PLPPR2: variants seen among roughly 807,000 people sequenced by gnomAD.
PLPPR2 encodes the protein phospholipid phosphatase-related protein type 2.
A neutral mutation model predicts 40.3 loss-of-function variants in PLPPR2; 11 were observed. The ratio of observed to expected loss-of-function variants is 0.27; its 90% CI spans 0.17 to 0.45. The LOEUF (loss-of-function observed/expected upper bound fraction) is 0.45. Among genes scored for constraint, PLPPR2 ranks in the 20% least tolerant of loss-of-function variants. PLPPR2 has a pLI of 1.00. For missense variants in PLPPR2, 497 were observed against 640.7 expected, an observed-to-expected ratio of 0.78 and a Z score of 2.42; for synonymous variants, 260 against 290.8, an observed-to-expected ratio of 0.89 and a Z score of 1.08.
rs552598641 is a variant in PLPPR2, at chr19:11,357,574, T to G, written c.-14-86T>G. The G allele has an allele frequency of 2.1e-3, 2,009 of 954,006 alleles. 8 individuals are homozygous for G. The highest frequency in any genetic ancestry group is 7.0e-3 in the Middle Eastern group (26 of 3,690). The allele number at this position is 954,006 out of a possible 1,614,324, so 59.1% of individuals were successfully genotyped here. A position where few individuals can be genotyped will look rare whatever the true frequency, so the allele number is the denominator to read the frequency against. On this transcript the variant is annotated intron_variant, in intron 2 of 9. Coordinates refer to ENST00000688289, the MANE Select transcript of PLPPR2 (RefSeq NM_001393892.1). ...AGGGCCAGGGGTGTGGCCAAAGGAC[T>G]CAGGGGATGAAGCCAGGGTCCCGGT... is the stretch of plus-strand genomic sequence containing the variant.
chr19:11,364,187 G>C lies in PLPPR2; in HGVS notation c.990G>C (p.Ser330=). ...AACCCGAGGTCTGCAGGCCGCATTC[G>C]ACACCGGCACGGCTCACCCCATCCA... The part of the protein sequence containing the change: ...AQEPEVCRPH[S]TPARLTPSKS... The change falls in exon 9 of 10, where the codon TCG becomes TCC. Residue 330 remains serine (S), a synonymous_variant. Transcript: ENST00000688289. The surrounding 1 kb of genome is among the most constrained non-coding windows in gnomAD (Gnocchi z 5.8). The C allele has an allele frequency of 6.2e-7, 1 of 1,612,234 alleles. No homozygotes were observed. Among genetic ancestry groups the C allele is most frequent in the Non-Finnish European group, 8.5e-7 (1 of 1,178,894 alleles).
Position 11,361,683 on chromosome 19 carries a change from A to G in PLPPR2, c.663+195A>G, listed in dbSNP as rs1170116748. On this transcript the variant is annotated intron_variant, in intron 6 of 9. Coordinates refer to ENST00000688289, the MANE Select transcript of PLPPR2 (RefSeq NM_001393892.1). This position sits in a 1 kb window ranked among gnomAD's most constrained non-coding sequence, Gnocchi z 6.3. ...CTAGCCACGCCCCCAGTCAGAGGCT[A>G]TCGCTGTCCATTGACTCCGCCCCTT... Among the ~76,000 whole-genome samples the G allele has an allele frequency of 6.6e-6, 1 of 151,890 alleles. No homozygotes were observed. Among genetic ancestry groups the G allele is most frequent in the Non-Finnish European group, 1.5e-5 (1 of 67,922 alleles).
chr19:11,361,419 G>A lies in PLPPR2; in HGVS notation c.594G>A (p.Val198=). The stretch of plus-strand genomic sequence containing the variant: ...CCTGCGCTGGCAGTCCCAGCCTCGT[G>A]GCCGCCGCGCGCCGCGCCTTCCCCT... ...QGACAGSPSL[V]AAARRAFPCK... is the part of the protein sequence containing the mutation. The change falls in exon 6 of 10, where the codon GTG becomes GTA. Residue 198 remains valine, a synonymous_variant. Transcript: ENST00000688289. This position sits in a 1 kb window ranked among gnomAD's most constrained non-coding sequence, Gnocchi z 6.3. The A allele has an allele frequency of 6.2e-7, 1 of 1,607,540 alleles. No individual in the cohort carries two copies. Among genetic ancestry groups the A allele is most frequent in the South Asian group, 1.1e-5 (1 of 91,006 alleles).
Position 11,364,077 on chromosome 19 carries a change from C to T in PLPPR2, c.964-84C>T. On this transcript the variant is annotated intron_variant, in intron 8 of 9. Coordinates refer to ENST00000688289, the MANE Select transcript of PLPPR2 (RefSeq NM_001393892.1). This position sits in a 1 kb window ranked among gnomAD's most constrained non-coding sequence, Gnocchi z 5.8. ...AACTGTGGTTGTCTTTTCCATGGGG[C>T]TCTTCACCTGATGAGCTCCTTGTGG... 1 of 1,503,946 alleles carries T rather than the reference C, an allele frequency of 6.6e-7. No individual in the cohort carries two copies. Among genetic ancestry groups the T allele is most frequent in the Non-Finnish European group, 9.0e-7 (1 of 1,112,002 alleles). 93.2% of individuals were successfully genotyped at this position (1,503,946 alleles called of 1,614,324 possible).
chr19:11,357,750 C>T lies in PLPPR2; in HGVS notation c.66+11C>T, dbSNP rs141375639. On this transcript the variant is annotated intron_variant, in intron 3 of 9. Transcript: ENST00000688289. ...TTTGTCTTCGTGGAGGTGAGGACCC[C>T]CGTACCTCTCCCAGAGACGGCGTGC... 4.9e-4 allele frequency: 774 copies of T among 1,593,982 alleles called. 4 individuals carry two copies. In the African/African-American group the frequency reaches 9.0e-3, roughly 19 times the overall value.
At chr19:11,358,222 T>C (rs147272555) in intron 3 of PLPPR2, among the ~76,000 whole-genome samples, 144 of 152,206 alleles carry the variant, frequency 9.5e-4, no homozygotes, top group African/African-American at 3.5e-3. Flanking sequence ...GCCCAGCTAA[T>C]TTTTGTACTT....
In PLPPR2 at chr19:11,363,091, C is replaced by T. The variant is rs888469277; in HGVS notation, c.840+402C>T. Among the ~76,000 whole-genome samples the T allele has an allele frequency of 1.6e-4, 25 of 152,026 alleles. No homozygotes were observed. The highest frequency in any genetic ancestry group is 6.6e-5 in the Admixed American group (1 of 15,252). ...GGCGGATCACTTGAGGCCAAGAGTTCGAGACCAGCCTGGTCAACATGGCCA... is the reference window on the plus strand; with the variant it reads ...GGCGGATCACTTGAGGCCAAGAGTTTGAGACCAGCCTGGTCAACATGGCCA... On this transcript the variant is annotated intron_variant, in intron 7 of 9. Coordinates refer to ENST00000688289, the MANE Select transcript of PLPPR2 (RefSeq NM_001393892.1). This position sits in a 1 kb window ranked among gnomAD's most constrained non-coding sequence, Gnocchi z 4.8.
In PLPPR2 at chr19:11,364,199, G is replaced by A; in HGVS notation, c.1002G>A (p.Arg334=). 1 of 1,612,152 alleles carries A rather than the reference G, an allele frequency of 6.2e-7. No homozygotes were observed. Among genetic ancestry groups the A allele is most frequent in the African/African-American group, 1.3e-5 (1 of 74,970 alleles). Reference sequence around the variant, plus strand: ...GCAGGCCGCATTCGACACCGGCACGGCTCACCCCATCCAGTGAGTGTTGGG... The same window carrying A: ...GCAGGCCGCATTCGACACCGGCACGACTCACCCCATCCAGTGAGTGTTGGG... ...EVCRPHSTPA[R]LTPSKSQNCA... Residue 334 remains arginine, a synonymous_variant, in exon 9 of 10, where the codon CGG becomes CGA. Transcript: ENST00000688289. The surrounding 1 kb of genome is among the most constrained non-coding windows in gnomAD (Gnocchi z 5.8).
chr19:11,357,507 CA>C (rs538303016), intron 2 of PLPPR2, 152 bp from the exon 3 acceptor site: 27 of 514,200 alleles, frequency 5.3e-5, no homozygotes, highest in African/African-American at 4.5e-4. Context: ...GAGGCATGGC[CA>C]GAAGGTTCAA....
rs1968084581 is a variant in PLPPR2 at position 11,362,699 on chromosome 19, C to T, written c.840+10C>T. The T allele has an allele frequency of 1.2e-6, 2 of 1,607,980 alleles. No homozygotes were observed. The highest frequency in any genetic ancestry group is 8.5e-7 in the Non-Finnish European group (1 of 1,176,218). On this transcript the variant is annotated intron_variant, in intron 7 of 9. Coordinates refer to ENST00000688289, the MANE Select transcript of PLPPR2 (RefSeq NM_001393892.1). This position sits in a 1 kb window ranked among gnomAD's most constrained non-coding sequence, Gnocchi z 5.3. ...CATCGCCACCTTTTTGGTGAGTTGC[C>T]TCCTCAACCTTCCCAGCATGGAAGA...
At position 11,364,585 on chromosome 19, in the gene PLPPR2, G is replaced by A. The variant is rs779956522; in HGVS notation, c.1254G>A (p.Thr418=). The change falls in exon 10 of 10, where the codon ACG becomes ACA. Residue 418 remains threonine (T), a synonymous_variant. Transcript: ENST00000688289. This position sits in a 1 kb window ranked among gnomAD's most constrained non-coding sequence, Gnocchi z 5.8. Reference sequence around the variant, plus strand: ...GTGGCCGGAAGCTGCTGCTGCCCACGCCCCTGCTGCGGGACCTGTACACCC... The same window carrying A: ...GTGGCCGGAAGCTGCTGCTGCCCACACCCCTGCTGCGGGACCTGTACACCC... ...GGRGRKLLLP[T]PLLRDLYTLS... 78 of 1,536,928 alleles carry A rather than the reference G, an allele frequency of 5.1e-5. No individual in the cohort carries two copies. The highest frequency in any genetic ancestry group is 6.5e-5 in the Non-Finnish European group (74 of 1,146,844).
At position 11,359,629 on chromosome 19, in the gene PLPPR2, C is replaced by T; in HGVS notation, c.164C>T (p.Thr55Ile). 6.2e-7 allele frequency: 1 copy of T among 1,613,206 alleles called. No individual in the cohort carries two copies. Among genetic ancestry groups the T allele is most frequent in the Non-Finnish European group, 8.5e-7 (1 of 1,179,574 alleles). ...HTQGFFCYDSTYAKPYPGPEA... is the reference protein window; with the variant it reads ...HTQGFFCYDSIYAKPYPGPEA... ...CAGGGATTCTTCTGCTATGACAGTA[C>T]CTACGCCAAGCCCTACCCAGGGCCT... The change falls in exon 4 of 10, where the codon ACC (threonine) becomes ATC (isoleucine). Residue 55 changes from threonine to isoleucine, a missense_variant. Physicochemically the swap from Thr to Ile is moderately conservative, Grantham distance 89. Coordinates refer to ENST00000688289, the MANE Select transcript of PLPPR2 (RefSeq NM_001393892.1). This position sits in a 1 kb window ranked among gnomAD's most constrained non-coding sequence, Gnocchi z 5.6.
In PLPPR2 at chr19:11,359,668, G is replaced by T. The variant is rs970915215; in HGVS notation, c.203G>T (p.Arg68Leu). Residue 68 changes from arginine (R) to leucine (L), a missense_variant, in exon 4 of 10, where the codon CGA becomes CTA. Transcript: ENST00000688289. This position sits in a 1 kb window ranked among gnomAD's most constrained non-coding sequence, Gnocchi z 5.6. The stretch of plus-strand genomic sequence containing the variant: ...TACCCAGGGCCTGAGGCTGCCAGCC[G>T]AGTGCCTCCTGCTCTTGTCTACGCA... The part of the protein sequence containing the change: ...KPYPGPEAAS[R>L]VPPALVYALV... The T allele has an allele frequency of 3.1e-6, 5 of 1,611,550 alleles. No homozygotes were observed. The Admixed American group carries it at 8.4e-5, about 27-fold the overall frequency.
At position 11,361,079 on chromosome 19, in the gene PLPPR2, AG is replaced by A; in HGVS notation, c.392-133del. The stretch of plus-strand genomic sequence containing the variant: ...GTACCTTCATGGTGGTCTTAAAGGA[AG>A]GGGGATGTTGGCACAACTACAGGGT... On this transcript the variant is annotated intron_variant, in intron 5 of 9. Coordinates refer to ENST00000688289, the MANE Select transcript of PLPPR2 (RefSeq NM_001393892.1). The surrounding 1 kb of genome is among the most constrained non-coding windows in gnomAD (Gnocchi z 6.3). The A allele has an allele frequency of 8.9e-7, 1 of 1,120,792 alleles. No individual in the cohort carries two copies. The highest frequency in any genetic ancestry group is 1.2e-6 in the Non-Finnish European group (1 of 809,562). The allele number at this position is 1,120,792 out of a possible 1,614,324, so 69.4% of individuals were successfully genotyped here. A position where few individuals can be genotyped will look rare whatever the true frequency, so the allele number is the denominator to read the frequency against.
At position 11,357,747 on chromosome 19, in the gene PLPPR2, C is replaced by T; in HGVS notation, c.66+8C>T. On this transcript the variant is annotated splice_region_variant and intron_variant, in intron 3 of 9. Coordinates refer to ENST00000688289, the MANE Select transcript of PLPPR2 (RefSeq NM_001393892.1). ...TGCTTTGTCTTCGTGGAGGTGAGGACCCCCGTACCTCTCCCAGAGACGGCG... is the reference window on the plus strand; with the variant it reads ...TGCTTTGTCTTCGTGGAGGTGAGGATCCCCGTACCTCTCCCAGAGACGGCG... 1 of 1,595,302 alleles carries T rather than the reference C, an allele frequency of 6.3e-7. No homozygotes were observed. Among genetic ancestry groups the T allele is most frequent in the Non-Finnish European group, 8.6e-7 (1 of 1,169,484 alleles).
intron 3 of PLPPR2, 45 bp downstream of exon 3, chr19:11,357,784 G>T (rs375538297): frequency 6.6e-7 from 1 of 1,513,048 alleles, no homozygotes. Context: ...GCCTATCTCT[G>T]TCTCTGTCCA....
chr19:11,363,850 G>C lies in PLPPR2; in HGVS notation c.963+15G>C, dbSNP rs1479822761. On this transcript the variant is annotated intron_variant, in intron 8 of 9. Coordinates refer to ENST00000688289, the MANE Select transcript of PLPPR2 (RefSeq NM_001393892.1). The surrounding 1 kb of genome is among the most constrained non-coding windows in gnomAD (Gnocchi z 4.8). ...GTGTGGCGCAGGTAAGGGGGGCCGG[G>C]GGCTGCTCCCGGCTGGAGAGGGTGG... 6.2e-7 allele frequency: 1 copy of C among 1,611,328 alleles called. No individual in the cohort carries two copies. Among genetic ancestry groups the C allele is most frequent in the South Asian group, 1.1e-5 (1 of 90,822 alleles).
chr19:11,364,259 G>T lies in PLPPR2; in HGVS notation c.1015+47G>T. 1 of 1,584,900 alleles carries T rather than the reference G, an allele frequency of 6.3e-7. No individual in the cohort carries two copies. The highest frequency in any genetic ancestry group is 1.1e-5 in the South Asian group (1 of 87,570). On this transcript the variant is annotated intron_variant, in intron 9 of 9. Transcript: ENST00000688289. The surrounding 1 kb of genome is among the most constrained non-coding windows in gnomAD (Gnocchi z 5.8). The stretch of plus-strand genomic sequence containing the variant: ...GGCTAAACAGGGGGACTTCCAGGTG[G>T]GCAGCCACTGCCCCAGAGGTCTCAC...
At chr19:11,357,394 A>G (rs775792645) in intron 2 of PLPPR2, among the ~76,000 whole-genome samples, 3 of 152,026 alleles carry the variant, frequency 2.0e-5, no homozygotes, top group Admixed American at 1.3e-4. Flanking sequence ...CCTCCCATGT[A>G]GGCTGTAAAG....
Sources: allele counts gnomAD v4.1 joint callset (sites outside exome capture counted in the v4.1 genomes callset), GRCh38; gene constraint gnomAD v4.1.1; non-coding constraint Gnocchi (gnomAD v3.1); transcripts MANE v1.5; gene names NCBI Gene and HGNC (gene_info 2026-07-23, HGNC 2026-07-21).